The following HNRNPM variants were observed in gnomAD, a reference collection of about 807,000 sequenced individuals.
HNRNPM encodes the protein heterogeneous nuclear ribonucleoprotein M, also known as CEA receptor.
A neutral mutation model predicts 73.1 loss-of-function variants in HNRNPM; 11 were observed. That is an observed-to-expected ratio of 0.15 (90% CI 0.09 to 0.25). HNRNPM has a LOEUF of 0.25. Ranked by LOEUF, HNRNPM falls within the 10% of genes least tolerant of loss-of-function variation. HNRNPM has a pLI of 1.00. For missense variants in HNRNPM, 789 were observed against 1,067.9 expected (o/e 0.74, Z 3.64); for synonymous variants, 407 against 355.2 (o/e 1.15, Z -1.64).
chr19:8,448,515 G>C (rs919857850), intron 1 of HNRNPM, among the ~76,000 whole-genome samples: 2 of 145,656 alleles, frequency 1.4e-5, no homozygotes. Flanking sequence ...CTGTTGCCCA[G>C]GCTGGAGTGC....
intron 2 of HNRNPM, among the ~76,000 whole-genome samples, chr19:8,456,183 G>T (rs1320193950): frequency 6.6e-6 from 1 of 152,148 alleles, no homozygotes; most frequent in Non-Finnish European, 1.5e-5. Flanking sequence ...GGTGCCTTAG[G>T]ATGTGGATTG....
intron 13 of HNRNPM, among the ~76,000 whole-genome samples, chr19:8,484,060 C>T (rs1435722069): frequency 1.3e-5 from 2 of 151,650 alleles, no homozygotes; most frequent in African/African-American, 4.8e-5. Flanking sequence ...CACACCTGGC[C>T]CAAATGTACT....
chr19:8,488,881 C>G lies in HNRNPM; in HGVS notation c.*27C>G, dbSNP rs569828411. Reference sequence around the variant, plus strand: ...CAGTTGCCTTTTTTAAACATCGATACGAGACCTCTGAATTTGTATTTTTTC... The same window carrying G: ...CAGTTGCCTTTTTTAAACATCGATAGGAGACCTCTGAATTTGTATTTTTTC... On this transcript the variant is annotated 3_prime_UTR_variant, in exon 16 of 16. Transcript: ENST00000325495. The G allele has an allele frequency of 6.4e-7, 1 of 1,568,328 alleles. No individual in the cohort carries two copies. The highest frequency in any genetic ancestry group is 1.1e-5 in the South Asian group (1 of 88,000).
In HNRNPM at chr19:8,462,754, C is replaced by T. The variant is rs777374383; in HGVS notation, c.336+173C>T. 2.0e-5 allele frequency among the ~76,000 whole-genome samples: 3 copies of T among 152,160 alleles called. No individual in the cohort carries two copies. Among genetic ancestry groups the T allele is most frequent in the Non-Finnish European group, 2.9e-5 (2 of 68,040 alleles). On this transcript the variant is annotated intron_variant, in intron 3 of 15. Transcript: ENST00000325495. This position sits in a 1 kb window ranked among gnomAD's most constrained non-coding sequence, Gnocchi z 4.5. ...GGAGGGGATTTGCAAATGGGAGTCC[C>T]GCTTTTCCAAATGGCTGGCCAAAGA...
At chr19:8,487,403 C>T (rs1379493689) in intron 15 of HNRNPM, 3 of 333,438 alleles carry the variant, frequency 9.0e-6, no homozygotes, top group Non-Finnish European at 1.2e-5. Context: ...TAAATAAATA[C>T]ATCCCAGACG....
At chr19:8,468,585 C>T (rs1313029487) in intron 8 of HNRNPM, among the ~76,000 whole-genome samples, 189 bp from the exon 9 acceptor site, 1 of 152,142 alleles carries the variant, frequency 6.6e-6, no homozygotes, top group African/African-American at 2.4e-5. Context: ...CAATAATATC[C>T]ATGTGTCTTT....
At chr19:8,455,646 A>G in intron 2 of HNRNPM, 72 bp downstream of exon 2, 1 of 1,340,324 alleles carries the variant, frequency 7.5e-7, no homozygotes, top group Admixed American at 1.9e-5. Flanking sequence ...TTCCTTGGTT[A>G]TTTTTGGTCA....
rs749937391 is a variant in HNRNPM, at chr19:8,474,194, T to C, written c.1070T>C (p.Met357Thr). 1.6e-5 allele frequency: 25 copies of C among 1,599,200 alleles called. No homozygotes were observed. Among genetic ancestry groups the C allele is most frequent in the Non-Finnish European group, 2.0e-5 (24 of 1,174,036 alleles). Residue 357 changes from methionine (M) to threonine (T), a missense_variant, in exon 12 of 16, where the codon ATG (methionine) becomes ACG (threonine). By Grantham distance (81) the Met-to-Thr change is moderately conservative. Transcript: ENST00000325495. Reference protein sequence around the residue: ...GGMEGPFGGGMENMGRFGSGM... With the variant: ...GGMEGPFGGGTENMGRFGSGM... ...ATGGAGGGGCCCTTTGGTGGTGGTA[T>C]GGAAAACATGGGTCGATTTGGATCT...
chr19:8,447,877 T>A (rs1262113821), intron 1 of HNRNPM, among the ~76,000 whole-genome samples: 1 of 152,014 alleles, frequency 6.6e-6, no homozygotes, highest in African/African-American at 2.4e-5. Context: ...ATACAAAAAA[T>A]TAGCCGGGCG....
intron 9 of HNRNPM, among the ~76,000 whole-genome samples, chr19:8,469,516 C>T (rs1969987245): frequency 6.6e-6 from 1 of 152,108 alleles, no homozygotes; most frequent in East Asian, 1.9e-4. Flanking sequence ...AATTTGTATG[C>T]AGAGGGGAAA....
chr19:8,470,306 G>T (rs534357037), intron 9 of HNRNPM, among the ~76,000 whole-genome samples: 102 of 152,250 alleles, frequency 6.7e-4, no homozygotes, highest in African/African-American at 1.9e-3. Flanking sequence ...AATGAACTTT[G>T]TTTGCTTTCT....
chr19:8,448,284 G>A (rs2145602467), intron 1 of HNRNPM, among the ~76,000 whole-genome samples: 1 of 152,144 alleles, frequency 6.6e-6, no homozygotes, highest in East Asian at 1.9e-4. Context: ...TTCTCTCCTG[G>A]GTGTGAGAAT....
In HNRNPM at chr19:8,459,579, TA is replaced by T. The variant is rs903537693; in HGVS notation, c.284-2941del. On this transcript the variant is annotated intron_variant, in intron 2 of 15. Coordinates refer to ENST00000325495, the MANE Select transcript of HNRNPM (RefSeq NM_005968.5). Reference sequence around the variant, plus strand: ...ACTTTCAAGTCCCCCCAACTCCTGTTAAAAAAAAATATATAGGTCTTATAAC... The same window carrying T: ...ACTTTCAAGTCCCCCCAACTCCTGTTAAAAAAAATATATAGGTCTTATAAC... Among the ~76,000 whole-genome samples, 29 of 151,622 alleles carry T rather than the reference TA, an allele frequency of 1.9e-4. No individual in the cohort carries two copies. In the South Asian group the frequency reaches 5.2e-3, roughly 27 times the overall value.
intron 1 of HNRNPM, among the ~76,000 whole-genome samples, chr19:8,453,242 A>T (rs1968754428): frequency 6.6e-6 from 1 of 152,092 alleles, no homozygotes; most frequent in African/African-American, 2.4e-5. Context: ...CCCGGGTTCA[A>T]GCGATTCTCC....
intron 12 of HNRNPM, among the ~76,000 whole-genome samples, chr19:8,479,204 G>A (rs919635061): frequency 6.9e-6 from 1 of 145,328 alleles, no homozygotes; most frequent in African/African-American, 2.6e-5. Context: ...TCCTGCTTCA[G>A]ACTCTTGAGT....
chr19:8,458,092 A>G (rs941714662), intron 2 of HNRNPM, among the ~76,000 whole-genome samples: 1 of 152,194 alleles, frequency 6.6e-6, no homozygotes, highest in African/African-American at 2.4e-5. Context: ...TAAAGTAGCT[A>G]GCTTTGAGAG....
intron 14 of HNRNPM, 51 bp downstream of exon 14, chr19:8,486,456 G>A: frequency 6.8e-7 from 1 of 1,462,742 alleles, no homozygotes; most frequent in Non-Finnish European, 9.2e-7. Context: ...GAGGGGACAG[G>A]GGAGGCAAAG....
intron 6 of HNRNPM, 57 bp from the exon 7 acceptor site, chr19:8,466,178 T>A (rs1405222951): frequency 1.3e-6 from 2 of 1,508,898 alleles, no homozygotes; most frequent in Admixed American, 2.1e-5. Context: ...GTAGTAAAAA[T>A]GTTGTGTTTC....
intron 12 of HNRNPM, among the ~76,000 whole-genome samples, chr19:8,478,720 G>C (rs1970684203): frequency 1.3e-5 from 2 of 152,160 alleles, no homozygotes; most frequent in African/African-American, 4.8e-5. Context: ...TAAAAAATTG[G>C]CATAAGGTTG....
Sources: gnomAD v4.1 joint callset for allele counts (sites outside exome capture counted in the v4.1 genomes callset) on GRCh38, gnomAD v4.1.1 for gene constraint, Gnocchi (gnomAD v3.1) non-coding constraint, MANE v1.5 for transcripts, NCBI Gene and HGNC (gene_info 2026-07-23, HGNC 2026-07-21) for gene names.